The following SEMA3A variants were observed in gnomAD, a reference collection of about 807,000 sequenced individuals.
The protein encoded by SEMA3A is semaphorin 3A.
In SEMA3A, 29 loss-of-function variants were observed where a neutral mutation model predicts 97.9. That is an observed-to-expected ratio of 0.30 (90% CI 0.22 to 0.40). SEMA3A has a LOEUF of 0.40. Ranked by LOEUF, SEMA3A falls within the 10% of genes least tolerant of loss-of-function variation. SEMA3A has a pLI of 1.00. For missense variants in SEMA3A, 763 were observed against 951.3 expected, an observed-to-expected ratio of 0.80 and a Z score of 2.60; for synonymous variants, 321 against 323.7, an observed-to-expected ratio of 0.99 and a Z score of 0.09.
intron 2 of SEMA3A, among the ~76,000 whole-genome samples, chr7:84,311,415 A>G (rs1024465531): frequency 6.6e-6 from 1 of 152,014 alleles, no homozygotes; most frequent in Admixed American, 6.6e-5. Context: ...AGGGAGTCAC[A>G]CAAATAAGTT....
intron 1 of SEMA3A, among the ~76,000 whole-genome samples, chr7:84,179,963 C>CTT (rs1215492615): frequency 0.054 from 5,938 of 109,322 alleles, 262 homozygotes; most frequent in Middle Eastern, 0.079. Context: ...CTTGACTGTT[C>CTT]TTTTTTTTTT....
At chr7:84,454,246 T>A (rs146158988) in intron 1 of SEMA3A, among the ~76,000 whole-genome samples, 51 of 152,350 alleles carry the variant, frequency 3.3e-4, no homozygotes, top group East Asian at 9.6e-4. Flanking sequence ...TGGCTTTTTT[T>A]AAATTACCTA....
chr7:84,199,565 C>T (rs73709594), upstream of SEMA3A, among the ~76,000 whole-genome samples: 1,398 of 149,984 alleles, frequency 9.3e-3, 15 homozygotes, highest in African/African-American at 0.033. Flanking sequence ...CTGTTATTTC[C>T]GTTTTTTTTT....
At chr7:84,067,085 C>G (rs573875565) in intron 4 of SEMA3A, among the ~76,000 whole-genome samples, 5 of 152,126 alleles carry the variant, frequency 3.3e-5, no homozygotes, top group Non-Finnish European at 7.4e-5. Context: ...TATAGATCAA[C>G]GGAAGAGAAC....
At chr7:84,158,263 TC>T (rs2116153484) in intron 1 of SEMA3A, among the ~76,000 whole-genome samples, 1 of 148,838 alleles carries the variant, frequency 6.7e-6, no homozygotes, top group Admixed American at 6.8e-5. Flanking sequence ...CAAGTGATTC[TC>T]CCACCTCAGC....
chr7:83,958,569 G>A lies in SEMA3A; in HGVS notation c.*2802C>T, dbSNP rs7801026. The A allele has an allele frequency of 0.26, 40,049 of 152,306 alleles. 5,483 individuals are homozygous for A. The highest frequency in any genetic ancestry group is 0.37 in the Middle Eastern group (109 of 294). 9.4% of individuals were successfully genotyped at this position (152,306 alleles called of 1,614,324 possible). ...ATAAACCACCTTGTCACCTGCGTGGGAAAATCTTGCCTTTTAGGATGATGT... is the reference window on the plus strand; with the variant it reads ...ATAAACCACCTTGTCACCTGCGTGGAAAAATCTTGCCTTTTAGGATGATGT... On this transcript the variant is annotated 3_prime_UTR_variant, in exon 17 of 17. Coordinates refer to ENST00000265362, the MANE Select transcript of SEMA3A (RefSeq NM_006080.3).
At chr7:84,390,218 T>G (rs1362308316) in intron 1 of SEMA3A, among the ~76,000 whole-genome samples, 2 of 151,870 alleles carry the variant, frequency 1.3e-5, no homozygotes, top group Non-Finnish European at 2.9e-5. Flanking sequence ...CCTTGAATGT[T>G]CCATTAAGAC....
intron 1 of SEMA3A, among the ~76,000 whole-genome samples, chr7:84,374,401 G>A (rs1036193525): frequency 2.6e-5 from 4 of 152,114 alleles, no homozygotes; most frequent in African/African-American, 9.7e-5. Context: ...TATGAACACT[G>A]TACCCATTAA....
chr7:84,185,915 C>T (rs1006928987), intron 1 of SEMA3A, among the ~76,000 whole-genome samples: 16 of 152,100 alleles, frequency 1.1e-4, no homozygotes, highest in African/African-American at 2.9e-4. Context: ...ATAGAGAAGC[C>T]CAACTGACTG....
chr7:84,143,962 C>CTA lies in SEMA3A; in HGVS notation c.113-9012_113-9011insTA, dbSNP rs1428858566. Among the ~76,000 whole-genome samples the CTA allele has an allele frequency of 1.1e-3, 149 of 140,180 alleles. 1 individual carries two copies. Among genetic ancestry groups the CTA allele is most frequent in the East Asian group, 0.01 (47 of 4,562 alleles). 92.0% of individuals were successfully genotyped at this position (140,180 alleles called of 152,430 possible). ...TCTCTCTCTCTCTAACACACACACA[C>CTA]ACACACACACACACACACACACACA... On this transcript the variant is annotated intron_variant, in intron 1 of 16. Coordinates refer to ENST00000265362, the MANE Select transcript of SEMA3A (RefSeq NM_006080.3).
At chr7:84,481,090 A>G (rs192793976) in intron 1 of SEMA3A, among the ~76,000 whole-genome samples, 6 of 152,230 alleles carry the variant, frequency 3.9e-5, no homozygotes, top group Non-Finnish European at 5.9e-5. Flanking sequence ...GTCAAAGATA[A>G]AGCTCATGAC....
chr7:84,356,579 G>C (rs1395816425), intron 2 of SEMA3A, among the ~76,000 whole-genome samples: 1 of 151,604 alleles, frequency 6.6e-6, no homozygotes, highest in African/African-American at 2.4e-5. Context: ...ATTCCATAAA[G>C]TAAAACCGAA....
intron 1 of SEMA3A, among the ~76,000 whole-genome samples, chr7:84,446,288 C>CT (rs1284113246): frequency 1.3e-5 from 2 of 152,162 alleles, no homozygotes; most frequent in African/African-American, 4.8e-5. Context: ...GAACACAAAT[C>CT]TTTCTCAAAT....
At chr7:84,050,120 G>T (rs1792550441) in intron 5 of SEMA3A, among the ~76,000 whole-genome samples, 1 of 151,442 alleles carries the variant, frequency 6.6e-6, no homozygotes, top group African/African-American at 2.4e-5. Context: ...ATCATTGTTG[G>T]ACATTTGGGT....
intron 1 of SEMA3A, among the ~76,000 whole-genome samples, chr7:84,169,598 A>G (rs1356448845): frequency 6.6e-6 from 1 of 150,606 alleles, no homozygotes; most frequent in Non-Finnish European, 1.5e-5. Context: ...ACGTAGATTC[A>G]TAATATTAAG....
intron 4 of SEMA3A, among the ~76,000 whole-genome samples, chr7:84,098,872 A>G (rs1008790595): frequency 1.4e-4 from 21 of 152,044 alleles, no homozygotes; most frequent in Admixed American, 7.9e-4. Flanking sequence ...AGTTTCCTCA[A>G]TTGAGAAACA....
intron 3 of SEMA3A, among the ~76,000 whole-genome samples, chr7:84,305,957 T>A (rs1396678756): frequency 6.6e-6 from 1 of 151,572 alleles, no homozygotes; most frequent in Non-Finnish European, 1.5e-5. Flanking sequence ...TATATATACA[T>A]GTGTGTATAT....
intron 1 of SEMA3A, among the ~76,000 whole-genome samples, chr7:84,417,625 C>T (rs926388660): frequency 2.0e-5 from 3 of 151,978 alleles, no homozygotes; most frequent in South Asian, 4.1e-4. Context: ...ATTATAATAA[C>T]AAATTACTAA....
intron 5 of SEMA3A, among the ~76,000 whole-genome samples, chr7:84,054,104 C>T (rs1354235430): frequency 6.6e-6 from 1 of 151,832 alleles, no homozygotes; most frequent in Non-Finnish European, 1.5e-5. Context: ...ATGGGCTTCC[C>T]TTTGAGGGTA....
Sources: allele counts gnomAD v4.1 joint callset (sites outside exome capture counted in the v4.1 genomes callset), GRCh38; gene constraint gnomAD v4.1.1; transcripts MANE v1.5; gene names NCBI Gene and HGNC (gene_info 2026-07-23, HGNC 2026-07-21).